The following SPATA31D3 variants were observed in gnomAD, a reference collection of about 807,000 sequenced individuals.
SPATA31D3 encodes SPATA31 subfamily D member 3.
For missense variants in SPATA31D3, 91 were observed against 297.9 expected, an observed-to-expected ratio of 0.31 and a Z score of 5.11; for synonymous variants, 27 against 107.8, an observed-to-expected ratio of 0.25 and a Z score of 4.65.
intron 3 of SPATA31D3, 108 bp downstream of exon 3, chr9:81,945,340 A>C (rs1587483795): frequency 6.7e-6 from 2 of 296,406 alleles, no homozygotes; most frequent in Non-Finnish European, 1.0e-5. Flanking sequence ...CATTTCAGGG[A>C]TTCCTTGTAG....
chr9:81,949,875 C>T lies in SPATA31D3; in HGVS notation c.*1868C>T, dbSNP rs1824002498. The stretch of plus-strand genomic sequence containing the variant: ...TCCCCAATCCATGCCCCACAGGAAG[C>T]CTGTGCCACAGCCAAACCCCACTTG... On this transcript the variant is annotated 3_prime_UTR_variant, in exon 4 of 4. Transcript: ENST00000445385. 2 of 805,748 alleles carry T rather than the reference C, an allele frequency of 2.5e-6. No individual in the cohort carries two copies. Among genetic ancestry groups the T allele is most frequent in the Admixed American group, 4.3e-5 (2 of 46,206 alleles). 49.9% of individuals were successfully genotyped at this position (805,748 alleles called of 1,614,324 possible). A position where few individuals can be genotyped will look rare whatever the true frequency, so the allele number is the denominator to read the frequency against.
At position 81,947,680 on chromosome 9, in the gene SPATA31D3, G is replaced by A. The variant is rs780929850; in HGVS notation, c.2427G>A (p.Leu809=). The change falls in exon 4 of 4, where the codon CTG becomes CTA. Residue 809 remains leucine (L), a synonymous_variant. Transcript: ENST00000445385. ...ERDLGTHMMH[L]SGNDSGVRLG... is the part of the protein sequence containing the mutation. Reference sequence around the variant, plus strand: ...ACCTAGGAACTCATATGATGCATCTGTCAGGGAATGATTCAGGGGTGAGAC... The same window carrying A: ...ACCTAGGAACTCATATGATGCATCTATCAGGGAATGATTCAGGGGTGAGAC... 21 of 1,589,240 alleles carry A rather than the reference G, an allele frequency of 1.3e-5. 1 individual carries two copies. The East Asian group carries it at 4.6e-4, about 34-fold the overall frequency.
In SPATA31D3 at chr9:81,949,430, A is replaced by G. The variant is rs886076234; in HGVS notation, c.*1423A>G. On this transcript the variant is annotated 3_prime_UTR_variant, in exon 4 of 4. Transcript: ENST00000445385. The stretch of plus-strand genomic sequence containing the variant: ...ACATATGGAAAACAAGAAAGTTCCT[A>G]GGAAAAGGGTAGCTCCTTGTCATCA... 28 of 372,474 alleles carry G rather than the reference A, an allele frequency of 7.5e-5. No homozygotes were observed. The highest frequency in any genetic ancestry group is 7.0e-4 in the South Asian group (19 of 27,314). The allele number at this position is 372,474 out of a possible 1,614,324, so 23.1% of individuals were successfully genotyped here. A position where few individuals can be genotyped will look rare whatever the true frequency, so the allele number is the denominator to read the frequency against.
chr9:81,949,902 A>C lies in SPATA31D3; in HGVS notation c.*1895A>C, dbSNP rs80160736. ...TGTGCCACAGCCAAACCCCACTTGC[A>C]GTGTGAAGTCAACCTGGTGCCTCCG... is the stretch of plus-strand genomic sequence containing the variant. On this transcript the variant is annotated 3_prime_UTR_variant, in exon 4 of 4. Transcript: ENST00000445385. 2,528 of 670,634 alleles carry C rather than the reference A, an allele frequency of 3.8e-3. 78 individuals carry two copies. In the East Asian group the frequency reaches 0.062, roughly 16 times the overall value. The allele number at this position is 670,634 out of a possible 1,614,324, so 41.5% of individuals were successfully genotyped here. A position where few individuals can be genotyped will look rare whatever the true frequency, so the allele number is the denominator to read the frequency against.
Position 81,945,294 on chromosome 9 carries a change from T to TA in SPATA31D3, c.293+62_293+63insA, listed in dbSNP as rs1564152610. ...CCTTCTTTTTTTTTTTTTTTTTTTT[T>TA]TTTTTTTTTTTTTTTTTTTTTTTGC... is the stretch of plus-strand genomic sequence containing the variant. On this transcript the variant is annotated intron_variant, in intron 3 of 3. Transcript: ENST00000445385. 45 of 1,246,058 alleles carry TA rather than the reference T, an allele frequency of 3.6e-5. No individual in the cohort carries two copies. In the African/African-American group the frequency reaches 7.2e-4, roughly 20 times the overall value. 77.2% of individuals were successfully genotyped at this position (1,246,058 alleles called of 1,614,324 possible).
At position 81,948,655 on chromosome 9, in the gene SPATA31D3, AAGAG is replaced by A; in HGVS notation, c.*655_*658del. The A allele has an allele frequency of 1.5e-4, 12 of 81,938 alleles. No homozygotes were observed. Among genetic ancestry groups the A allele is most frequent in the South Asian group, 1.4e-3 (12 of 8,416 alleles). 5.1% of individuals were successfully genotyped at this position (81,938 alleles called of 1,614,324 possible). A position where few individuals can be genotyped will look rare whatever the true frequency, so the allele number is the denominator to read the frequency against. On this transcript the variant is annotated 3_prime_UTR_variant, in exon 4 of 4. Transcript: ENST00000445385. ...TGGAGTTGGCCGTGATTCAAGGGATAAGAGAGAGAGTGCCAGTAATAATGTTAAC... is the reference window on the plus strand; with the variant it reads ...TGGAGTTGGCCGTGATTCAAGGGATAAGAGAGTGCCAGTAATAATGTTAAC...
Position 81,950,042 on chromosome 9 carries a change from A to C in SPATA31D3, c.*2035A>C, listed in dbSNP as rs771118213. On this transcript the variant is annotated 3_prime_UTR_variant, in exon 4 of 4. Coordinates refer to ENST00000445385, the MANE Select transcript of SPATA31D3 (RefSeq NM_207416.3). ...AAAATTTCCCCCCAAAAAATAATTA[A>C]CTCCTTGTTGAGAATCTTGACTCTC... 3.2e-6 allele frequency: 1 copy of C among 315,754 alleles called. No individual in the cohort carries two copies. The highest frequency in any genetic ancestry group is 5.9e-6 in the Non-Finnish European group (1 of 169,680). The allele number at this position is 315,754 out of a possible 1,614,324, so 19.6% of individuals were successfully genotyped here. A position where few individuals can be genotyped will look rare whatever the true frequency, so the allele number is the denominator to read the frequency against.
In SPATA31D3 at chr9:81,949,923, CT is replaced by C; in HGVS notation, c.*1917del. The C allele has an allele frequency of 1.7e-6, 1 of 598,054 alleles. No individual in the cohort carries two copies. The highest frequency in any genetic ancestry group is 2.8e-5 in the Admixed American group (1 of 35,644). The allele number at this position is 598,054 out of a possible 1,614,324, so 37.0% of individuals were successfully genotyped here. A position where few individuals can be genotyped will look rare whatever the true frequency, so the allele number is the denominator to read the frequency against. On this transcript the variant is annotated 3_prime_UTR_variant, in exon 4 of 4. Coordinates refer to ENST00000445385, the MANE Select transcript of SPATA31D3 (RefSeq NM_207416.3). ...TTGCAGTGTGAAGTCAACCTGGTGCCTCCGGTCATCCTGACCAGTGCTAAAA... is the reference window on the plus strand; with the variant it reads ...TTGCAGTGTGAAGTCAACCTGGTGCCCCGGTCATCCTGACCAGTGCTAAAA...
Position 81,949,921 on chromosome 9 carries a change from G to T in SPATA31D3, c.*1914G>T. On this transcript the variant is annotated 3_prime_UTR_variant, in exon 4 of 4. Transcript: ENST00000445385. ...ACTTGCAGTGTGAAGTCAACCTGGTGCCTCCGGTCATCCTGACCAGTGCTA... is the reference window on the plus strand; with the variant it reads ...ACTTGCAGTGTGAAGTCAACCTGGTTCCTCCGGTCATCCTGACCAGTGCTA... The T allele has an allele frequency of 1.7e-6, 1 of 603,278 alleles. No homozygotes were observed. Among genetic ancestry groups the T allele is most frequent in the South Asian group, 2.0e-5 (1 of 48,950 alleles). The allele number at this position is 603,278 out of a possible 1,614,324, so 37.4% of individuals were successfully genotyped here.
Position 81,949,663 on chromosome 9 carries a change from G to A in SPATA31D3, c.*1656G>A, listed in dbSNP as rs1587488356. On this transcript the variant is annotated 3_prime_UTR_variant, in exon 4 of 4. Transcript: ENST00000445385. ...TGTGCCAGAACTGCAGGTCAGAGCA[G>A]AGCCTGTCCAGGGCTATCCCTGCAA... 1 of 1,108,610 alleles carries A rather than the reference G, an allele frequency of 9.0e-7. No homozygotes were observed. Among genetic ancestry groups the A allele is most frequent in the East Asian group, 2.4e-5 (1 of 41,942 alleles). The allele number at this position is 1,108,610 out of a possible 1,614,324, so 68.7% of individuals were successfully genotyped here.
rs1340187029 is a variant in SPATA31D3 at position 81,949,322 on chromosome 9, C to A, written c.*1315C>A. Reference sequence around the variant, plus strand: ...TCGCTTGGGAGCAAATCTTCCCCAACCTTGAAAACACAGCCTCCTCCTGAA... The same window carrying A: ...TCGCTTGGGAGCAAATCTTCCCCAAACTTGAAAACACAGCCTCCTCCTGAA... On this transcript the variant is annotated 3_prime_UTR_variant, in exon 4 of 4. Transcript: ENST00000445385. The A allele has an allele frequency of 1.3e-5, 5 of 373,972 alleles. No homozygotes were observed. Among genetic ancestry groups the A allele is most frequent in the Non-Finnish European group, 2.6e-5 (5 of 192,042 alleles). 23.2% of individuals were successfully genotyped at this position (373,972 alleles called of 1,614,324 possible). A position where few individuals can be genotyped will look rare whatever the true frequency, so the allele number is the denominator to read the frequency against.
Position 81,949,550 on chromosome 9 carries a change from A to G in SPATA31D3, c.*1543A>G, listed in dbSNP as rs533365134. On this transcript the variant is annotated 3_prime_UTR_variant, in exon 4 of 4. Coordinates refer to ENST00000445385, the MANE Select transcript of SPATA31D3 (RefSeq NM_207416.3). ...AGGAAAGACACTGGGGAGTTCATAG[A>G]AGAGAAGCTGGGGCATAGACATTGA... 786 of 596,096 alleles carry G rather than the reference A, an allele frequency of 1.3e-3. 4 individuals carry two copies. The highest frequency in any genetic ancestry group is 2.0e-3 in the Non-Finnish European group (647 of 319,030). 36.9% of individuals were successfully genotyped at this position (596,096 alleles called of 1,614,324 possible).
chr9:81,948,001 C>A lies in SPATA31D3; in HGVS notation c.2748C>A (p.Ser916=). The change falls in exon 4 of 4, where the codon TCC becomes TCA. Residue 916 remains serine (S), a synonymous_variant. Transcript: ENST00000445385. ...SFHMKPILNL[S]I is the part of the protein sequence containing the mutation. ...ATATGAAGCCCATATTAAATCTTTC[C>A]ATATGAGGATGCTGTGGGGCCTTCC... 4.4e-6 allele frequency: 7 copies of A among 1,578,636 alleles called. No homozygotes were observed. Among genetic ancestry groups the A allele is most frequent in the Non-Finnish European group, 6.0e-6 (7 of 1,163,442 alleles).
rs532128241 is a variant in SPATA31D3 at position 81,949,970 on chromosome 9, C to T, written c.*1963C>T. 76 of 417,272 alleles carry T rather than the reference C, an allele frequency of 1.8e-4. No homozygotes were observed. The South Asian group carries it at 2.5e-3, about 14-fold the overall frequency. 25.8% of individuals were successfully genotyped at this position (417,272 alleles called of 1,614,324 possible). The stretch of plus-strand genomic sequence containing the variant: ...TAAAAACACTGTGTTCAGTGATGTG[C>T]CTTTACTAACTGGACAGAAAATACT... On this transcript the variant is annotated 3_prime_UTR_variant, in exon 4 of 4. Coordinates refer to ENST00000445385, the MANE Select transcript of SPATA31D3 (RefSeq NM_207416.3).
Position 81,949,241 on chromosome 9 carries a change from G to C in SPATA31D3, c.*1234G>C, listed in dbSNP as rs891265993. 7 of 389,930 alleles carry C rather than the reference G, an allele frequency of 1.8e-5. No homozygotes were observed. The highest frequency in any genetic ancestry group is 1.4e-4 in the African/African-American group (7 of 48,862). 24.2% of individuals were successfully genotyped at this position (389,930 alleles called of 1,614,324 possible). ...CTTGGTGGAGGGGATGCAGGGCTGG[G>C]GACATCCCAACTCAGAAGAAAGAGC... On this transcript the variant is annotated 3_prime_UTR_variant, in exon 4 of 4. Coordinates refer to ENST00000445385, the MANE Select transcript of SPATA31D3 (RefSeq NM_207416.3).
At position 81,948,108 on chromosome 9, in the gene SPATA31D3, C is replaced by G; in HGVS notation, c.*101C>G. 1 of 1,410,134 alleles carries G rather than the reference C, an allele frequency of 7.1e-7. No homozygotes were observed. The highest frequency in any genetic ancestry group is 9.6e-7 in the Non-Finnish European group (1 of 1,044,928). The allele number at this position is 1,410,134 out of a possible 1,614,324, so 87.4% of individuals were successfully genotyped here. On this transcript the variant is annotated 3_prime_UTR_variant, in exon 4 of 4. Coordinates refer to ENST00000445385, the MANE Select transcript of SPATA31D3 (RefSeq NM_207416.3). The stretch of plus-strand genomic sequence containing the variant: ...CCTTTTCCCATTTCTACCTTCCCTC[C>G]TCAGCCAGCTTTATTTCTCAGGGAG...
At position 81,949,416 on chromosome 9, in the gene SPATA31D3, A is replaced by C; in HGVS notation, c.*1409A>C. ...ATAAACCCATCATAACATATGGAAA[A>C]CAAGAAAGTTCCTAGGAAAAGGGTA... On this transcript the variant is annotated 3_prime_UTR_variant, in exon 4 of 4. Coordinates refer to ENST00000445385, the MANE Select transcript of SPATA31D3 (RefSeq NM_207416.3). 1 of 369,302 alleles carries C rather than the reference A, an allele frequency of 2.7e-6. No homozygotes were observed. 22.9% of individuals were successfully genotyped at this position (369,302 alleles called of 1,614,324 possible). A position where few individuals can be genotyped will look rare whatever the true frequency, so the allele number is the denominator to read the frequency against.
rs541372310 is a variant in SPATA31D3 at position 81,949,357 on chromosome 9, G to A, written c.*1350G>A. ...ACAGCCTCCTCCTGAAAACCTTTTC[G>A]GAACATTGATGAAGACCTTTTTGCA... On this transcript the variant is annotated 3_prime_UTR_variant, in exon 4 of 4. Transcript: ENST00000445385. 79 of 350,928 alleles carry A rather than the reference G, an allele frequency of 2.3e-4. No individual in the cohort carries two copies. Among genetic ancestry groups the A allele is most frequent in the East Asian group, 7.7e-4 (12 of 15,622 alleles). The allele number at this position is 350,928 out of a possible 1,614,324, so 21.7% of individuals were successfully genotyped here.
chr9:81,949,901 C>T lies in SPATA31D3; in HGVS notation c.*1894C>T. 5.9e-6 allele frequency: 4 copies of T among 676,318 alleles called. No individual in the cohort carries two copies. The highest frequency in any genetic ancestry group is 2.5e-5 in the Admixed American group (1 of 40,338). The allele number at this position is 676,318 out of a possible 1,614,324, so 41.9% of individuals were successfully genotyped here. On this transcript the variant is annotated 3_prime_UTR_variant, in exon 4 of 4. Coordinates refer to ENST00000445385, the MANE Select transcript of SPATA31D3 (RefSeq NM_207416.3). ...CTGTGCCACAGCCAAACCCCACTTGCAGTGTGAAGTCAACCTGGTGCCTCC... is the reference window on the plus strand; with the variant it reads ...CTGTGCCACAGCCAAACCCCACTTGTAGTGTGAAGTCAACCTGGTGCCTCC...
Sources: gnomAD v4.1 joint callset for allele counts on GRCh38, gnomAD v4.1.1 for gene constraint, MANE v1.5 for transcripts, NCBI Gene and HGNC (gene_info 2026-07-23, HGNC 2026-07-21) for gene names.